The following CADPS2 variants were observed in gnomAD, a reference collection of about 807,000 sequenced individuals.
The protein encoded by CADPS2 is calcium dependent secretion activator 2.
A neutral mutation model predicts 172.5 loss-of-function variants in CADPS2; 93 were observed. That is an observed-to-expected ratio of 0.54 (90% CI 0.46 to 0.64). CADPS2 has a LOEUF of 0.64. Among genes scored for constraint, CADPS2 ranks in the 30% least tolerant of loss-of-function variants. The probability of loss-of-function intolerance (pLI) is 0.00; values close to 1 mark genes in which losing one functional copy is unlikely to be tolerated. For synonymous variants in CADPS2, 546 were observed against 555.2 expected (o/e 0.98, Z 0.23); for missense variants, 1,420 against 1,565.9 (o/e 0.91, Z 1.57).
chr7:122,841,243 G>A (rs1810395703), intron 1 of CADPS2, among the ~76,000 whole-genome samples: 1 of 152,038 alleles, frequency 6.6e-6, no homozygotes, highest in Non-Finnish European at 1.5e-5. Context: ...AAAGAAACAT[G>A]GAAGAGACAA....
chr7:122,322,921 G>A (rs988605188), intron 29 of CADPS2, among the ~76,000 whole-genome samples: 2 of 152,120 alleles, frequency 1.3e-5, no homozygotes, highest in African/African-American at 2.4e-5. Context: ...TGGGTCCTGG[G>A]TAGAATACAC....
intron 28 of CADPS2, among the ~76,000 whole-genome samples, chr7:122,332,373 A>G (rs1212411042): frequency 1.3e-5 from 2 of 150,164 alleles, no homozygotes; most frequent in Non-Finnish European, 3.0e-5. Context: ...AGAACTCTAT[A>G]TATGTGACTT....
chr7:122,550,672 T>C (rs2064162802), intron 8 of CADPS2, among the ~76,000 whole-genome samples: 1 of 152,182 alleles, frequency 6.6e-6, no homozygotes, highest in African/African-American at 2.4e-5. Flanking sequence ...GGAATAGTTA[T>C]TTGAGTTTTA....
At chr7:122,362,800 G>A (rs1254872928) in intron 25 of CADPS2, among the ~76,000 whole-genome samples, 1 of 152,250 alleles carries the variant, frequency 6.6e-6, no homozygotes, top group East Asian at 1.9e-4. Context: ...CAGAGAACTC[G>A]CTGTGAGTGC....
At chr7:122,527,170 T>A (rs2061304240) in intron 8 of CADPS2, among the ~76,000 whole-genome samples, 1 of 152,098 alleles carries the variant, frequency 6.6e-6, no homozygotes, top group South Asian at 2.1e-4. Flanking sequence ...TTTAACTTAA[T>A]GTGAATGATG....
chr7:122,404,354 T>C (rs1267554566), intron 20 of CADPS2, among the ~76,000 whole-genome samples: 1 of 152,204 alleles, frequency 6.6e-6, no homozygotes, highest in Non-Finnish European at 1.5e-5. Context: ...TAGTATTCCA[T>C]GGTGTATATG....
At chr7:122,336,721 A>G (rs992876449) in intron 28 of CADPS2, among the ~76,000 whole-genome samples, 4 of 152,234 alleles carry the variant, frequency 2.6e-5, no homozygotes, top group African/African-American at 9.6e-5. Context: ...ATTGGTGTTT[A>G]GAAAAATTTC....
At chr7:122,549,691 G>A (rs1050746711) in intron 8 of CADPS2, among the ~76,000 whole-genome samples, 2 of 151,744 alleles carry the variant, frequency 1.3e-5, no homozygotes, top group Non-Finnish European at 2.9e-5. Context: ...GTAGGATTTC[G>A]GTGAAATCAG....
chr7:122,748,698 A>T (rs953414652), intron 1 of CADPS2, among the ~76,000 whole-genome samples: 1 of 152,200 alleles, frequency 6.6e-6, no homozygotes, highest in African/African-American at 2.4e-5. Flanking sequence ...GAAAAGTAGC[A>T]GCAGAAGGCA....
At chr7:122,816,993 G>T (rs10234934) in intron 1 of CADPS2, among the ~76,000 whole-genome samples, 1 of 145,630 alleles carries the variant, frequency 6.9e-6, no homozygotes, top group Non-Finnish European at 1.5e-5. Flanking sequence ...ACTCCTGCCC[G>T]CCAGAGAACC....
At chr7:122,845,662 C>G (rs1461954953) in intron 1 of CADPS2, among the ~76,000 whole-genome samples, 2 of 152,218 alleles carry the variant, frequency 1.3e-5, no homozygotes, top group African/African-American at 4.8e-5. Context: ...CCACTGCAGG[C>G]TTCCAGCCTA....
At chr7:122,685,478 AC>A (rs927934414) in intron 2 of CADPS2, among the ~76,000 whole-genome samples, 2 of 152,210 alleles carry the variant, frequency 1.3e-5, no homozygotes, top group Non-Finnish European at 2.9e-5. Context: ...GACAAGACCC[AC>A]TTACTATCCT....
chr7:122,387,005 C>T, intron 24 of CADPS2, 21 bp downstream of exon 24: 5 of 1,551,168 alleles, frequency 3.2e-6, no homozygotes, highest in Non-Finnish European at 4.4e-6. Context: ...TGCCTTTCCC[C>T]ATGTGGCACA....
intron 1 of CADPS2, among the ~76,000 whole-genome samples, chr7:122,881,232 C>T (rs1462334032): frequency 6.6e-6 from 1 of 152,146 alleles, no homozygotes. Context: ...GAAAACACAC[C>T]ATTAAAATAT....
intron 7 of CADPS2, among the ~76,000 whole-genome samples, chr7:122,580,497 A>T (rs1288512969): frequency 6.6e-6 from 1 of 151,854 alleles, no homozygotes; most frequent in Admixed American, 6.6e-5. Context: ...TACAGAAGAC[A>T]TCTTCATATA....
intron 7 of CADPS2, among the ~76,000 whole-genome samples, chr7:122,569,912 C>A (rs1016265696): frequency 2.1e-5 from 3 of 143,732 alleles, no homozygotes; most frequent in Non-Finnish European, 3.0e-5. Context: ...AACGTTAGAC[C>A]TAAAACCATA....
chr7:122,609,458 A>C (rs2074018600), intron 6 of CADPS2, among the ~76,000 whole-genome samples: 2 of 152,216 alleles, frequency 1.3e-5, no homozygotes, highest in Non-Finnish European at 2.9e-5. Flanking sequence ...AGAGACTATG[A>C]AACAATGACT....
chr7:122,434,252 T>A (rs565277078), intron 17 of CADPS2, among the ~76,000 whole-genome samples: 1 of 152,164 alleles, frequency 6.6e-6, no homozygotes, highest in Non-Finnish European at 1.5e-5. Flanking sequence ...CACTTAGCAA[T>A]CATTGTAGGT....
chr7:122,579,227 GAC>G (rs1267950147), intron 7 of CADPS2, among the ~76,000 whole-genome samples: 1,766 of 151,924 alleles, frequency 0.012, 34 homozygotes, highest in African/African-American at 0.04. Context: ...CCCTCCAGGA[GAC>G]ATTTAGCAAT....
Sources: gnomAD v4.1 joint callset for allele counts (sites outside exome capture counted in the v4.1 genomes callset) on GRCh38, gnomAD v4.1.1 for gene constraint, MANE v1.5 for transcripts, NCBI Gene and HGNC (gene_info 2026-07-23, HGNC 2026-07-21) for gene names.